LSAMP: variants seen among roughly 807,000 people sequenced by gnomAD.
LSAMP encodes limbic system associated membrane protein, also known as limbic system-associated membrane protein.
LSAMP carries 7 observed loss-of-function variants against 38.6 expected under a neutral mutation model. The observed-to-expected ratio is 0.18, with a 90% CI of 0.10 to 0.34. The LOEUF (loss-of-function observed/expected upper bound fraction) is 0.34, where lower values mean the gene tolerates loss of function less well. LSAMP is among the 10% of genes least tolerant of loss of function. The pLI, the probability that LSAMP is intolerant of heterozygous loss-of-function variation, is 1.00. For synonymous variants in LSAMP, 154 were observed against 166.8 expected, an observed-to-expected ratio of 0.92 and a Z score of 0.59; for missense variants, 313 against 420.0, an observed-to-expected ratio of 0.75 and a Z score of 2.23.
intron 3 of LSAMP, among the ~76,000 whole-genome samples, chr3:115,878,289 A>G (rs1936234890): frequency 6.6e-6 from 1 of 152,056 alleles, no homozygotes; most frequent in Non-Finnish European, 1.5e-5. Flanking sequence ...TACCAAGCCT[A>G]CTACCACTGG....
At chr3:116,418,539 C>T (rs563720804) in intron 1 of LSAMP, among the ~76,000 whole-genome samples, 1 of 152,098 alleles carries the variant, frequency 6.6e-6, no homozygotes, top group South Asian at 2.1e-4. Flanking sequence ...CTAGCTTATC[C>T]CTTCATGTCA....
intron 1 of LSAMP, among the ~76,000 whole-genome samples, chr3:116,187,567 A>G (rs2107577367): frequency 6.6e-6 from 1 of 152,264 alleles, no homozygotes; most frequent in East Asian, 1.9e-4. Context: ...AACCCAGCAA[A>G]CATGAAAGTT....
At chr3:116,384,568 A>G (rs1460988231) in intron 1 of LSAMP, among the ~76,000 whole-genome samples, 1 of 152,132 alleles carries the variant, frequency 6.6e-6, no homozygotes, top group Non-Finnish European at 1.5e-5. Flanking sequence ...AGCCTAGGAT[A>G]CAGAGTGAGG....
At chr3:116,064,354 C>T (rs895432767) in intron 2 of LSAMP, among the ~76,000 whole-genome samples, 8 of 152,026 alleles carry the variant, frequency 5.3e-5, no homozygotes, top group African/African-American at 9.6e-5. Flanking sequence ...GGTGAAACCC[C>T]GTCTCTACTA....
At chr3:116,031,497 T>G (rs1940920267) in intron 2 of LSAMP, among the ~76,000 whole-genome samples, 1 of 148,062 alleles carries the variant, frequency 6.8e-6, no homozygotes, top group African/African-American at 2.5e-5. Context: ...TAAGGATCTC[T>G]TAAATGTAAT....
At chr3:116,165,475 C>T (rs770820313) in intron 1 of LSAMP, among the ~76,000 whole-genome samples, 11 of 152,090 alleles carry the variant, frequency 7.2e-5, no homozygotes, top group East Asian at 1.9e-4. Context: ...AATAGCAAAG[C>T]GCAATGAGGT....
At chr3:115,986,428 C>T (rs1939510485) in intron 3 of LSAMP, among the ~76,000 whole-genome samples, 1 of 151,914 alleles carries the variant, frequency 6.6e-6, no homozygotes, top group African/African-American at 2.4e-5. Context: ...ACATATATCA[C>T]CAAAAAAATA....
chr3:115,950,003 T>C (rs866064369), intron 3 of LSAMP, among the ~76,000 whole-genome samples: 3 of 152,194 alleles, frequency 2.0e-5, no homozygotes, highest in African/African-American at 7.2e-5. Context: ...ATCATCTCAG[T>C]AGACACAGAA....
chr3:116,392,145 G>A (rs1302981307), intron 1 of LSAMP, among the ~76,000 whole-genome samples: 1 of 152,202 alleles, frequency 6.6e-6, no homozygotes, highest in Admixed American at 6.5e-5. Context: ...AAGAGGCATG[G>A]CCGGGGTACA....
chr3:115,899,949 A>G (rs5009311), intron 3 of LSAMP, among the ~76,000 whole-genome samples: 29,307 of 152,134 alleles, frequency 0.19, 3,118 homozygotes, highest in African/African-American at 0.29. Context: ...CTTTCTTAAG[A>G]TGTGAAGGAA....
At chr3:116,101,724 A>G (rs1576363040) in intron 1 of LSAMP, among the ~76,000 whole-genome samples, 1 of 152,188 alleles carries the variant, frequency 6.6e-6, no homozygotes, top group South Asian at 2.1e-4. Flanking sequence ...AATAAATACA[A>G]TATGCAGGGG....
intron 3 of LSAMP, among the ~76,000 whole-genome samples, chr3:115,939,804 C>A (rs1937848508): frequency 6.6e-6 from 1 of 152,130 alleles, no homozygotes; most frequent in Non-Finnish European, 1.5e-5. Context: ...AAACGATCAT[C>A]CTGCTCCTCC....
chr3:116,229,530 G>A (rs1186084681), intron 1 of LSAMP, among the ~76,000 whole-genome samples: 1 of 152,060 alleles, frequency 6.6e-6, no homozygotes, highest in African/African-American at 2.4e-5. Context: ...CTTATAATTT[G>A]TGTTTAAGTT....
At chr3:116,114,704 C>T (rs1331894688) in intron 1 of LSAMP, among the ~76,000 whole-genome samples, 1 of 152,120 alleles carries the variant, frequency 6.6e-6, no homozygotes, top group East Asian at 1.9e-4. Context: ...TTGTGATATC[C>T]ACTAAATAAA....
chr3:116,336,068 G>T lies in LSAMP; in HGVS notation c.155+108809C>A, dbSNP rs369679037. Among the ~76,000 whole-genome samples, 18 of 152,038 alleles carry T rather than the reference G, an allele frequency of 1.2e-4. No individual in the cohort carries two copies. The South Asian group carries it at 3.3e-3, about 28-fold the overall frequency. ...GAAATCTGGATATTCACATGCAAAAGAATGAAATTGGACCCTTGCCTAATA... is the reference window on the plus strand; with the variant it reads ...GAAATCTGGATATTCACATGCAAAATAATGAAATTGGACCCTTGCCTAATA... On this transcript the variant is annotated intron_variant, in intron 1 of 6. Transcript: ENST00000490035.
At chr3:116,004,939 A>C (rs989776566) in intron 3 of LSAMP, among the ~76,000 whole-genome samples, 2 of 152,264 alleles carry the variant, frequency 1.3e-5, no homozygotes, top group African/African-American at 2.4e-5. Flanking sequence ...AGAAATTGTC[A>C]ATGCAGAGTA....
At chr3:116,325,983 A>AT (rs1385217980) in intron 1 of LSAMP, among the ~76,000 whole-genome samples, 5 of 152,260 alleles carry the variant, frequency 3.3e-5, no homozygotes, top group Admixed American at 1.3e-4. Context: ...TCTTTTGCCC[A>AT]TTTTCAATTG....
At chr3:116,082,290 CA>C (rs888276132) in intron 2 of LSAMP, among the ~76,000 whole-genome samples, 1 of 152,104 alleles carries the variant, frequency 6.6e-6, no homozygotes, top group Non-Finnish European at 1.5e-5. Context: ...TAATTTGATT[CA>C]ATGTCATACA....
At chr3:115,810,520 A>T in intron 6 of LSAMP, 106 bp from the exon 7 acceptor site, 1 of 757,492 alleles carries the variant, frequency 1.3e-6, no homozygotes, top group Non-Finnish European at 2.3e-6. Flanking sequence ...GCCAGGTACT[A>T]GCATCTCAAA....
Sources: allele counts gnomAD v4.1 joint callset (sites outside exome capture counted in the v4.1 genomes callset), GRCh38; gene constraint gnomAD v4.1.1; transcripts MANE v1.5; gene names NCBI Gene and HGNC (gene_info 2026-07-23, HGNC 2026-07-21).